Variants in KIDINS220 observed in about 807,000 individuals in gnomAD.
KIDINS220 encodes kinase D-interacting substrate of 220 kDa.
KIDINS220 carries 63 observed loss-of-function variants against 157.6 expected under a neutral mutation model. The ratio of observed to expected loss-of-function variants is 0.40; its 90% CI spans 0.33 to 0.49. The LOEUF (loss-of-function observed/expected upper bound fraction) is 0.49, where lower values mean the gene tolerates loss of function less well. KIDINS220 is among the 20% of genes least tolerant of loss of function. The probability of loss-of-function intolerance (pLI) is 0.66; values close to 1 mark genes in which losing one functional copy is unlikely to be tolerated. For missense variants in KIDINS220, 1,772 were observed against 2,171.2 expected (o/e 0.82, Z 3.65); for synonymous variants, 732 against 783.6 (o/e 0.93, Z 1.10).
At chr2:8,785,262 G>C (rs1305834777) in intron 17 of KIDINS220, among the ~76,000 whole-genome samples, 2 of 152,102 alleles carry the variant, frequency 1.3e-5, no homozygotes, top group African/African-American at 4.8e-5. Flanking sequence ...GTGGAGGGAG[G>C]GGTGAACAGG....
At chr2:8,811,601 C>A (rs1247529021) in intron 6 of KIDINS220, among the ~76,000 whole-genome samples, 1 of 152,136 alleles carries the variant, frequency 6.6e-6, no homozygotes, top group Non-Finnish European at 1.5e-5. Context: ...TAAAACACAG[C>A]ATATATGGAA....
chr2:8,834,166 G>A (rs545248865), intron 1 of KIDINS220, among the ~76,000 whole-genome samples: 2 of 152,174 alleles, frequency 1.3e-5, no homozygotes, highest in South Asian at 4.2e-4. Flanking sequence ...GGGTGGCAGC[G>A]CTTGCCCCCT....
downstream of KIDINS220, chr2:8,726,985 C>T: frequency 8.1e-7 from 1 of 1,231,768 alleles, no homozygotes; most frequent in Non-Finnish European, 1.1e-6. Flanking sequence ...ATTGTAAATT[C>T]TCTATTTAAT....
At chr2:8,761,714 T>C (rs1249657807) in intron 22 of KIDINS220, among the ~76,000 whole-genome samples, 1 of 152,184 alleles carries the variant, frequency 6.6e-6, no homozygotes, top group Non-Finnish European at 1.5e-5. Context: ...ACATCTTATT[T>C]TTGGCCAAAC....
chr2:8,751,586 C>G lies in KIDINS220; in HGVS notation c.3070G>C (p.Asp1024His). 6.2e-7 allele frequency: 1 copy of G among 1,611,420 alleles called. No homozygotes were observed. The highest frequency in any genetic ancestry group is 2.2e-5 in the East Asian group (1 of 44,862). Residue 1024 changes from aspartate to histidine, a missense_variant, in exon 23 of 30, where the codon GAT becomes CAT. Around this residue, in one of 3 missense-constraint regions of KIDINS220, gnomAD observed 725 missense variants for 1,017.1 expected, o/e 0.71. Transcript: ENST00000256707. ...AAAAACACTTCAAAATTTCTTATAT[C>G]TCCATCAATTTCAAGAAGTGGCTCA... ...DVEPLLEIDGDIRNFEVFLSS... is the reference protein window; with the variant it reads ...DVEPLLEIDGHIRNFEVFLSS...
chr2:8,805,532 G>A (rs1675324398), intron 7 of KIDINS220, among the ~76,000 whole-genome samples: 1 of 152,050 alleles, frequency 6.6e-6, no homozygotes, highest in South Asian at 2.1e-4. Flanking sequence ...TATCACTCTG[G>A]AACTGATCCA....
At chr2:8,815,641 A>G (rs1676969944) in intron 4 of KIDINS220, among the ~76,000 whole-genome samples, 1 of 152,090 alleles carries the variant, frequency 6.6e-6, no homozygotes, top group Non-Finnish European at 1.5e-5. Context: ...TGTGCTCCAG[A>G]CTGGGCAACA....
intron 22 of KIDINS220, among the ~76,000 whole-genome samples, chr2:8,767,025 A>G (rs889769057): frequency 2.0e-5 from 3 of 152,220 alleles, no homozygotes; most frequent in Non-Finnish European, 4.4e-5. Flanking sequence ...AACTTGGCAA[A>G]TATACAAATG....
At chr2:8,767,709 GA>G (rs771252264) in intron 22 of KIDINS220, among the ~76,000 whole-genome samples, 4 of 152,292 alleles carry the variant, frequency 2.6e-5, no homozygotes, top group Admixed American at 6.5e-5. Context: ...GTGATAAAAT[GA>G]AGCTTATGAA....
At chr2:8,732,932 C>T (rs1219696022) in intron 29 of KIDINS220, among the ~76,000 whole-genome samples, 1 of 152,194 alleles carries the variant, frequency 6.6e-6, no homozygotes, top group Admixed American at 6.5e-5. Context: ...TACCCCTCAC[C>T]TGGCCTCCTT....
At chr2:8,764,697 G>T (rs1669228104) in intron 22 of KIDINS220, among the ~76,000 whole-genome samples, 1 of 152,174 alleles carries the variant, frequency 6.6e-6, no homozygotes, top group Non-Finnish European at 1.5e-5. Flanking sequence ...GAAGTATCTG[G>T]ATGGACGGTA....
chr2:8,801,564 A>G (rs7578302), intron 8 of KIDINS220, among the ~76,000 whole-genome samples: 3,597 of 152,346 alleles, frequency 0.024, 139 homozygotes, highest in African/African-American at 0.082. Context: ...TAAACAAAAA[A>G]TCATACAAAC....
At chr2:8,727,140 G>C (rs960987582), downstream of KIDINS220, 1 of 1,125,764 alleles carries the variant, frequency 8.9e-7, no homozygotes, top group Non-Finnish European at 1.1e-6. Flanking sequence ...GAAGGATAGG[G>C]AGTACCACAG....
intron 22 of KIDINS220, among the ~76,000 whole-genome samples, chr2:8,767,289 G>C (rs1669611415): frequency 6.6e-6 from 1 of 152,046 alleles, no homozygotes; most frequent in South Asian, 2.1e-4. Flanking sequence ...AATAAATTTT[G>C]AATGATGACA....
intron 6 of KIDINS220, 111 bp from the exon 7 acceptor site, chr2:8,806,480 T>G (rs572899197): frequency 1.4e-5 from 9 of 637,810 alleles, no homozygotes; most frequent in African/African-American, 5.6e-5. Context: ...CTCATAAAAC[T>G]GTATACATTT....
intron 22 of KIDINS220, among the ~76,000 whole-genome samples, chr2:8,759,038 G>A (rs1273484878): frequency 6.6e-6 from 1 of 152,170 alleles, no homozygotes; most frequent in Non-Finnish European, 1.5e-5. Context: ...AGTGCCAGGT[G>A]TTCTCACTGA....
intron 11 of KIDINS220, 25 bp downstream of exon 11, chr2:8,796,746 T>C (rs767069276): frequency 6.4e-7 from 1 of 1,558,646 alleles, no homozygotes; most frequent in Non-Finnish European, 8.9e-7. Context: ...TTCCATACAG[T>C]GTTCTCTCCG....
chr2:8,781,153 A>ATATATATTATATATAT (rs70946383), intron 17 of KIDINS220, among the ~76,000 whole-genome samples: 412 of 130,390 alleles, frequency 3.2e-3, no homozygotes, highest in Non-Finnish European at 5.4e-3. Context: ...ATATATATAT[A>ATATATATTATATATAT]ATATATATAT....
At chr2:8,754,117 G>A (rs1467683274) in intron 22 of KIDINS220, among the ~76,000 whole-genome samples, 1 of 152,178 alleles carries the variant, frequency 6.6e-6, no homozygotes. Flanking sequence ...ACTAAAAAGA[G>A]AAGCTAGAAA....
Sources: gnomAD v4.1 joint callset for allele counts (sites outside exome capture counted in the v4.1 genomes callset) on GRCh38, gnomAD v4.1.1 for gene constraint, gnomAD v4.1.1 regional missense constraint, MANE v1.5 for transcripts, NCBI Gene and HGNC (gene_info 2026-07-23, HGNC 2026-07-21) for gene names.